SLC44A5: variants seen among roughly 807,000 people sequenced by gnomAD.
The protein encoded by SLC44A5 is solute carrier family 44 member 5.
A neutral mutation model predicts 101.8 loss-of-function variants in SLC44A5; 57 were observed. That is an observed-to-expected ratio of 0.56 (90% confidence interval 0.45 to 0.70). The LOEUF is 0.70. SLC44A5 is among the 30% of genes least tolerant of loss of function. The pLI is 0.00. For missense variants in SLC44A5, 737 were observed against 853.1 expected, an observed-to-expected ratio of 0.86 and a Z score of 1.70; for synonymous variants, 281 against 290.9, an observed-to-expected ratio of 0.97 and a Z score of 0.35.
At chr1:75,646,062 GCA>G in the SLC44A5 span, among the ~76,000 whole-genome samples, 3 of 134,896 alleles carry the variant, frequency 2.2e-5, 1 homozygote, top group Non-Finnish European at 5.0e-5. Context: ...AAGTCAGGTA[GCA>G]TGATGCCTCC....
chr1:75,569,220 T>A (rs1188732903), intron 1 of SLC44A5, among the ~76,000 whole-genome samples: 1 of 149,572 alleles, frequency 6.7e-6, no homozygotes, highest in African/African-American at 2.5e-5. Flanking sequence ...TTAAGCCCAA[T>A]GACACATTCA....
chr1:75,613,815 T>TACAAA (rs926325279), upstream of SLC44A5, among the ~76,000 whole-genome samples: 173 of 152,306 alleles, frequency 1.1e-3, no homozygotes, highest in African/African-American at 4.1e-3. Context: ...CATACTGACC[T>TACAAA]ACAAAACAAA....
chr1:75,586,040 T>C (rs1022564604), intron 1 of SLC44A5, among the ~76,000 whole-genome samples: 1 of 152,202 alleles, frequency 6.6e-6, no homozygotes, highest in South Asian at 2.1e-4. Context: ...AGACACTTGG[T>C]TAAACATTAT....
At chr1:75,674,627 CA>C in the SLC44A5 span, among the ~76,000 whole-genome samples, 102,959 of 136,326 alleles carry the variant, frequency 0.76, 35,417 homozygotes, top group African/African-American at 0.83. Context: ...TGATCCCCCC[CA>C]ACCTCAGCCT....
chr1:75,593,720 C>T (rs971741397), intron 1 of SLC44A5, among the ~76,000 whole-genome samples: 12 of 151,988 alleles, frequency 7.9e-5, no homozygotes, highest in East Asian at 3.9e-4. Flanking sequence ...TTATGTTAAG[C>T]GAAATAAGCA....
At chr1:75,630,695 C>T in the SLC44A5 span, among the ~76,000 whole-genome samples, 1 of 152,026 alleles carries the variant, frequency 6.6e-6, no homozygotes, top group African/African-American at 2.4e-5. Flanking sequence ...TTGTTTTTAC[C>T]TGTTTACTCC....
chr1:75,581,017 T>TA (rs948392589), intron 1 of SLC44A5, among the ~76,000 whole-genome samples: 1 of 152,116 alleles, frequency 6.6e-6, no homozygotes, highest in African/African-American at 2.4e-5. Context: ...AGCCTAGCTA[T>TA]AAACACAAGT....
Position 75,210,913 on chromosome 1 carries a change from T to C in SLC44A5, c.2047+555A>G, listed in dbSNP as rs577642809. Reference sequence around the variant, plus strand: ...TGAGATATAATTAATAAATAACAACTGTAAATATTTAAGGTGTGTAATGTT... The same window carrying C: ...TGAGATATAATTAATAAATAACAACCGTAAATATTTAAGGTGTGTAATGTT... On this transcript the variant is annotated intron_variant, in intron 23 of 23. Coordinates refer to ENST00000370859, the MANE Select transcript of SLC44A5 (RefSeq NM_001130058.2). Among the ~76,000 whole-genome samples the C allele has an allele frequency of 1.5e-4, 23 of 152,300 alleles. 1 individual carries two copies. The South Asian group carries it at 4.8e-3, about 32-fold the overall frequency.
chr1:75,664,608 G>A, the SLC44A5 span, among the ~76,000 whole-genome samples: 48 of 152,046 alleles, frequency 3.2e-4, 1 homozygote, highest in Non-Finnish European at 2.9e-5. Context: ...TAACCAAGGA[G>A]GTGAAAGATT....
intron 2 of SLC44A5, among the ~76,000 whole-genome samples, chr1:75,463,844 T>C (rs1440594307): frequency 6.6e-6 from 1 of 152,154 alleles, no homozygotes; most frequent in East Asian, 1.9e-4. Flanking sequence ...GTGTGTAAAC[T>C]ACTGTTATCC....
intron 2 of SLC44A5, among the ~76,000 whole-genome samples, chr1:75,409,855 G>C (rs1406610619): frequency 1.3e-5 from 2 of 151,960 alleles, no homozygotes; most frequent in Non-Finnish European, 2.9e-5. Context: ...GCCCAAGGTT[G>C]TTTCAGAACT....
At chr1:75,355,138 A>C (rs1346374517) in intron 3 of SLC44A5, among the ~76,000 whole-genome samples, 1 of 152,228 alleles carries the variant, frequency 6.6e-6, no homozygotes, top group African/African-American at 2.4e-5. Context: ...TCTGTGTTTA[A>C]CCAACAAAAA....
At chr1:75,289,725 T>A (rs950151677) in intron 5 of SLC44A5, among the ~76,000 whole-genome samples, 5 of 152,236 alleles carry the variant, frequency 3.3e-5, no homozygotes, top group African/African-American at 1.2e-4. Context: ...ACCAGATTTA[T>A]AGACGGCTGT....
chr1:75,464,981 T>C (rs1666735372), intron 2 of SLC44A5, among the ~76,000 whole-genome samples: 2 of 152,176 alleles, frequency 1.3e-5, no homozygotes, highest in African/African-American at 4.8e-5. Flanking sequence ...ACAGATATTC[T>C]AGACAGAAAA....
At chr1:75,440,200 T>C (rs900795862) in intron 2 of SLC44A5, among the ~76,000 whole-genome samples, 1 of 151,942 alleles carries the variant, frequency 6.6e-6, no homozygotes, top group African/African-American at 2.4e-5. Context: ...ATGGTGCAAA[T>C]AGAATAGAAA....
intron 6 of SLC44A5, among the ~76,000 whole-genome samples, chr1:75,255,586 C>A (rs1649949636): frequency 6.6e-6 from 1 of 151,878 alleles, no homozygotes; most frequent in Non-Finnish European, 1.5e-5. Context: ...AGAAAGACAA[C>A]TGAAAAAATG....
chr1:75,299,478 C>G (rs1238673181), intron 5 of SLC44A5, among the ~76,000 whole-genome samples: 1 of 152,160 alleles, frequency 6.6e-6, no homozygotes, highest in African/African-American at 2.4e-5. Context: ...TAGGATATAA[C>G]TTTCTTTCTG....
At chr1:75,287,426 C>CTTTTTTTTTTTTTTTTTTTT (rs371647505) in intron 5 of SLC44A5, among the ~76,000 whole-genome samples, 1 of 69,910 alleles carries the variant, frequency 1.4e-5, no homozygotes, top group Non-Finnish European at 2.5e-5. Context: ...CTTCTGAATT[C>CTTTTTTTTTTTTTTTTTTTT]TTTTTTTTTT....
chr1:75,495,068 G>A (rs148225626), intron 2 of SLC44A5, among the ~76,000 whole-genome samples: 1 of 152,176 alleles, frequency 6.6e-6, no homozygotes, highest in East Asian at 1.9e-4. Context: ...AAACCAACTA[G>A]GAAAATGAGG....
Sources: allele counts gnomAD v4.1 joint callset (sites outside exome capture counted in the v4.1 genomes callset), GRCh38; gene constraint gnomAD v4.1.1; transcripts MANE v1.5; gene names NCBI Gene and HGNC (gene_info 2026-07-23, HGNC 2026-07-21).